LRRC4C: variants seen among roughly 807,000 people sequenced by gnomAD.
LRRC4C encodes leucine-rich repeat-containing protein 4C.
Under a neutral mutation model 33.6 loss-of-function variants are expected in LRRC4C, and 5 were observed. The ratio of observed to expected loss-of-function variants is 0.15; its 90% CI spans 0.08 to 0.31. The LOEUF (loss-of-function observed/expected upper bound fraction) is 0.31, where lower values mean the gene tolerates loss of function less well. LRRC4C is among the 10% of genes least tolerant of loss of function. LRRC4C has a pLI of 1.00. For synonymous variants in LRRC4C, 329 were observed against 302.0 expected, an observed-to-expected ratio of 1.09 and a Z score of -0.93; for missense variants, 560 against 796.7, an observed-to-expected ratio of 0.70 and a Z score of 3.58.
At chr11:40,209,542 A>AAC (rs1401133204) in intron 5 of LRRC4C, among the ~76,000 whole-genome samples, 6 of 152,102 alleles carry the variant, frequency 3.9e-5, no homozygotes. Context: ...ATCTAACAAA[A>AAC]ATATATATAC....
chr11:40,430,441 A>G (rs1399381307), intron 3 of LRRC4C, among the ~76,000 whole-genome samples: 1 of 152,176 alleles, frequency 6.6e-6, no homozygotes, highest in Non-Finnish European at 1.5e-5. Flanking sequence ...ACAAAAACCT[A>G]CAATCTTTCA....
chr11:40,568,849 G>C, intron 3 of LRRC4C, among the ~76,000 whole-genome samples: 1 of 152,180 alleles, frequency 6.6e-6, no homozygotes, highest in Non-Finnish European at 1.5e-5. Flanking sequence ...TTGCTAGAGA[G>C]AATATACATG....
intron 1 of LRRC4C, among the ~76,000 whole-genome samples, chr11:41,371,485 G>A (rs1952744878): frequency 6.6e-6 from 1 of 152,078 alleles, no homozygotes; most frequent in Non-Finnish European, 1.5e-5. Flanking sequence ...TTTAATATGT[G>A]GAAATCCTTC....
At chr11:40,159,217 G>A (rs947548197) in intron 5 of LRRC4C, among the ~76,000 whole-genome samples, 6 of 152,226 alleles carry the variant, frequency 3.9e-5, no homozygotes, top group African/African-American at 9.6e-5. Context: ...TTCAGATGGC[G>A]AAGATAATTT....
chr11:40,542,044 C>CTT (rs764341315), intron 3 of LRRC4C, among the ~76,000 whole-genome samples: 2 of 81,974 alleles, frequency 2.4e-5, no homozygotes, highest in Non-Finnish European at 5.7e-5. Context: ...CTCTTTCTTT[C>CTT]TCTTTCTCTC....
At chr11:41,259,819 G>A (rs1027722390) in intron 1 of LRRC4C, among the ~76,000 whole-genome samples, 5 of 151,000 alleles carry the variant, frequency 3.3e-5, no homozygotes, top group Non-Finnish European at 7.4e-5. Context: ...TTCTTTGGTG[G>A]TTTTTTTTTA....
intron 1 of LRRC4C, among the ~76,000 whole-genome samples, chr11:40,992,056 A>G (rs1853614323): frequency 6.6e-6 from 1 of 152,218 alleles, no homozygotes; most frequent in Admixed American, 6.5e-5. Flanking sequence ...TTAACCTTTT[A>G]AAAACATCCA....
chr11:40,257,557 T>C (rs1404718368), intron 4 of LRRC4C, among the ~76,000 whole-genome samples: 2 of 152,308 alleles, frequency 1.3e-5, no homozygotes, highest in Non-Finnish European at 2.9e-5. Context: ...AAGAGTCATC[T>C]TGACTCGCCT....
At chr11:41,373,487 A>T (rs1358750981) in intron 1 of LRRC4C, among the ~76,000 whole-genome samples, 3 of 152,168 alleles carry the variant, frequency 2.0e-5, no homozygotes, top group African/African-American at 7.2e-5. Context: ...GATCAAGGAT[A>T]TATAAATGTT....
At chr11:40,164,527 G>A (rs187184455) in intron 5 of LRRC4C, among the ~76,000 whole-genome samples, 38 of 152,232 alleles carry the variant, frequency 2.5e-4, no homozygotes, top group African/African-American at 8.2e-4. Flanking sequence ...GTGAGCCACC[G>A]TGCCCAGCCA....
intron 1 of LRRC4C, among the ~76,000 whole-genome samples, chr11:41,384,283 A>G (rs1953268705): frequency 6.6e-6 from 1 of 152,050 alleles, no homozygotes; most frequent in Non-Finnish European, 1.5e-5. Context: ...CAAGCACAAT[A>G]AAAACTATGC....
At chr11:40,872,504 C>T (rs1158797207) in intron 2 of LRRC4C, among the ~76,000 whole-genome samples, 1 of 151,952 alleles carries the variant, frequency 6.6e-6, no homozygotes, top group African/African-American at 2.4e-5. Context: ...TTATATACTC[C>T]TTTTGGTAAA....
intron 3 of LRRC4C, among the ~76,000 whole-genome samples, chr11:40,388,113 C>T (rs1318433793): frequency 6.6e-6 from 1 of 152,136 alleles, no homozygotes; most frequent in East Asian, 1.9e-4. Flanking sequence ...CTATCTGCTT[C>T]TACCTGTTAC....
chr11:40,490,171 C>T (rs1954075809), intron 3 of LRRC4C, among the ~76,000 whole-genome samples: 1 of 152,106 alleles, frequency 6.6e-6, no homozygotes, highest in Admixed American at 6.6e-5. Flanking sequence ...GTAGTTTCTC[C>T]ATCTAATATT....
intron 1 of LRRC4C, among the ~76,000 whole-genome samples, chr11:41,327,401 T>C (rs1482769176): frequency 6.6e-6 from 1 of 152,202 alleles, no homozygotes; most frequent in African/African-American, 2.4e-5. Context: ...TGTACCAATA[T>C]GTGATTTATT....
At chr11:41,136,437 G>A (rs953969445) in intron 1 of LRRC4C, among the ~76,000 whole-genome samples, 1 of 152,074 alleles carries the variant, frequency 6.6e-6, no homozygotes, top group African/African-American at 2.4e-5. Flanking sequence ...CAACTAGAGG[G>A]ATAAAGAATA....
rs533232496 is a variant in LRRC4C at position 40,636,419 on chromosome 11, T to G, written c.-270+11723A>C. ...GTGGAGCTGGGAAAACTACCCTATC[T>G]TAGGGTAAATATAAGCACAAAGACA... On this transcript the variant is annotated intron_variant, in intron 3 of 6. Transcript: ENST00000528697. 7.2e-5 allele frequency among the ~76,000 whole-genome samples: 11 copies of G among 152,220 alleles called. 1 individual carries two copies. Among genetic ancestry groups the G allele is most frequent in the African/African-American group, 2.6e-4 (11 of 41,532 alleles).
At chr11:40,538,534 G>A (rs920454177) in intron 3 of LRRC4C, among the ~76,000 whole-genome samples, 1 of 152,272 alleles carries the variant, frequency 6.6e-6, no homozygotes, top group Non-Finnish European at 1.5e-5. Context: ...GTCTATCATT[G>A]ATGGACATTT....
At chr11:40,247,278 G>A (rs1866418181) in intron 4 of LRRC4C, among the ~76,000 whole-genome samples, 1 of 152,088 alleles carries the variant, frequency 6.6e-6, no homozygotes, top group South Asian at 2.1e-4. Flanking sequence ...TCTGCCCACA[G>A]CACTTAGCAT....
Sources: gnomAD v4.1 joint callset for allele counts (sites outside exome capture counted in the v4.1 genomes callset) on GRCh38, gnomAD v4.1.1 for gene constraint, MANE v1.5 for transcripts, NCBI Gene and HGNC (gene_info 2026-07-23, HGNC 2026-07-21) for gene names.